The following OTOGL variants were observed in gnomAD, a reference collection of about 807,000 sequenced individuals.
OTOGL encodes otogelin like.
A neutral mutation model predicts 318.5 loss-of-function variants in OTOGL; 285 were observed. That is an observed-to-expected ratio of 0.89 (90% CI 0.81 to 0.99). The LOEUF is 0.99. Ranked by LOEUF, OTOGL falls within the 50% of genes least tolerant of loss-of-function variation. The pLI is 0.00. For missense variants in OTOGL, 2,899 were observed against 2,845.6 expected, an observed-to-expected ratio of 1.02 and a Z score of -0.43; for synonymous variants, 987 against 936.5, an observed-to-expected ratio of 1.05 and a Z score of -0.99.
At chr12:80,167,622 A>G (rs1873908817) in intron 1 of OTOGL, among the ~76,000 whole-genome samples, 1 of 152,112 alleles carries the variant, frequency 6.6e-6, no homozygotes, top group South Asian at 2.1e-4. Context: ...TCATCTGGCC[A>G]AAAATTATTT....
chr12:80,114,751 C>T (rs1870057407), intron 1 of OTOGL, among the ~76,000 whole-genome samples: 1 of 152,042 alleles, frequency 6.6e-6, no homozygotes, highest in South Asian at 2.1e-4. Context: ...TCATGTATAC[C>T]AATCAAATGT....
intron 37 of OTOGL, among the ~76,000 whole-genome samples, chr12:80,331,412 C>T (rs1362410218): frequency 3.1e-5 from 4 of 128,524 alleles, no homozygotes; most frequent in African/African-American, 1.2e-4. Flanking sequence ...ATGATCTTGG[C>T]TCACTGCAAC....
intron 18 of OTOGL, among the ~76,000 whole-genome samples, chr12:80,258,764 T>C (rs1390752988): frequency 6.6e-6 from 1 of 151,878 alleles, no homozygotes; most frequent in Admixed American, 6.6e-5. Context: ...ATAGTTGAAA[T>C]CACAGAAGCA....
intron 27 of OTOGL, among the ~76,000 whole-genome samples, chr12:80,299,234 T>C (rs2137721499): frequency 6.6e-6 from 1 of 152,318 alleles, no homozygotes; most frequent in Non-Finnish European, 1.5e-5. Context: ...TCTACAATCA[T>C]GTTGACATGT....
chr12:80,339,499 C>T (rs1888637163), intron 43 of OTOGL, among the ~76,000 whole-genome samples: 4 of 151,766 alleles, frequency 2.6e-5, no homozygotes, highest in African/African-American at 4.8e-5. Flanking sequence ...ATGCTTACTG[C>T]TGTTACTACG....
At chr12:80,273,877 A>G (rs1387415537) in intron 24 of OTOGL, among the ~76,000 whole-genome samples, 1 of 151,996 alleles carries the variant, frequency 6.6e-6, no homozygotes, top group Non-Finnish European at 1.5e-5. Flanking sequence ...TATATCTGTT[A>G]TGGTAATCTG....
chr12:80,240,770 A>T (rs915643108), intron 11 of OTOGL, among the ~76,000 whole-genome samples: 8 of 152,100 alleles, frequency 5.3e-5, no homozygotes, highest in Non-Finnish European at 1.0e-4. Context: ...ATTCTATCTC[A>T]GGTTGTGAAC....
At chr12:80,318,230 G>A (rs1887093759) in intron 32 of OTOGL, among the ~76,000 whole-genome samples, 1 of 151,978 alleles carries the variant, frequency 6.6e-6, no homozygotes, top group East Asian at 1.9e-4. Flanking sequence ...AGCATGTATT[G>A]AGTTAAATTG....
chr12:80,212,880 C>A (rs1877374867), intron 4 of OTOGL, among the ~76,000 whole-genome samples: 1 of 151,526 alleles, frequency 6.6e-6, no homozygotes, highest in Non-Finnish European at 1.5e-5. Flanking sequence ...GAAGACAGAA[C>A]TGATTTATTC....
chr12:80,200,962 T>G (rs1876411699), intron 1 of OTOGL, among the ~76,000 whole-genome samples: 2 of 152,126 alleles, frequency 1.3e-5, no homozygotes, highest in Admixed American at 6.5e-5. Flanking sequence ...AGGATAATGT[T>G]TAAATTTAAT....
intron 24 of OTOGL, 117 bp downstream of exon 24, chr12:80,271,927 G>A (rs2137590361): frequency 8.3e-7 from 1 of 1,198,226 alleles, no homozygotes; most frequent in East Asian, 2.6e-5. Flanking sequence ...GGTTAACTGG[G>A]TTGGTAGCTA....
chr12:80,352,164 G>T (rs951240437), intron 44 of OTOGL, 131 bp from the exon 45 acceptor site: 1 of 804,356 alleles, frequency 1.2e-6, no homozygotes, highest in Middle Eastern at 3.7e-4. Flanking sequence ...TTTTGAAAAT[G>T]TAAAGTCTAT....
chr12:80,342,284 A>G (rs915009642), intron 44 of OTOGL, 122 bp downstream of exon 44: 4 of 705,858 alleles, frequency 5.7e-6, no homozygotes, highest in Non-Finnish European at 9.1e-6. Flanking sequence ...ACCTTCTGTC[A>G]GTATGCTTTG....
intron 1 of OTOGL, among the ~76,000 whole-genome samples, chr12:80,146,434 T>G (rs1872366680): frequency 6.6e-6 from 1 of 151,484 alleles, no homozygotes; most frequent in African/African-American, 2.5e-5. Context: ...GATAAGCTTT[T>G]TGATGTGCTG....
intron 29 of OTOGL, among the ~76,000 whole-genome samples, chr12:80,308,155 C>T (rs1377052002): frequency 1.3e-5 from 2 of 150,100 alleles, no homozygotes; most frequent in African/African-American, 4.9e-5. Flanking sequence ...CTGACACCCC[C>T]ACCTCCCTCC....
intron 9 of OTOGL, among the ~76,000 whole-genome samples, chr12:80,237,401 G>A (rs926425020): frequency 2.0e-5 from 3 of 152,110 alleles, no homozygotes; most frequent in African/African-American, 7.2e-5. Flanking sequence ...GTGTGTGATT[G>A]GTGCTAGTCT....
chr12:80,254,992 A>G, intron 15 of OTOGL, 48 bp from the exon 16 acceptor site: 3 of 1,351,958 alleles, frequency 2.2e-6, no homozygotes, highest in African/African-American at 1.5e-5. Context: ...CTCCTCCTCT[A>G]TCTCCACCTC....
At chr12:80,328,932 C>A in intron 36 of OTOGL, 119 bp from the exon 37 acceptor site, 1 of 1,063,892 alleles carries the variant, frequency 9.4e-7, no homozygotes, top group Non-Finnish European at 1.4e-6. Context: ...CCACTAACAT[C>A]TCTCCTGCAT....
intron 1 of OTOGL, among the ~76,000 whole-genome samples, chr12:80,123,384 T>TA (rs1870607847): frequency 6.6e-6 from 1 of 152,216 alleles, no homozygotes; most frequent in Non-Finnish European, 1.5e-5. Context: ...TAAGGCTGTG[T>TA]AGTATTCTAT....
Sources: allele counts gnomAD v4.1 joint callset (sites outside exome capture counted in the v4.1 genomes callset), GRCh38; gene constraint gnomAD v4.1.1; transcripts MANE v1.5; gene names NCBI Gene and HGNC (gene_info 2026-07-23, HGNC 2026-07-21).